The following PTPRD variants were observed in gnomAD, a reference collection of about 807,000 sequenced individuals.
The protein encoded by PTPRD is receptor-type tyrosine-protein phosphatase delta.
Under a neutral mutation model 214.5 loss-of-function variants are expected in PTPRD, and 34 were observed. The observed-to-expected ratio is 0.16, with a 90% CI of 0.12 to 0.21. PTPRD has a LOEUF of 0.21. Ranked by LOEUF, PTPRD falls within the 10% of genes least tolerant of loss-of-function variation. The pLI, the probability that PTPRD is intolerant of heterozygous loss-of-function variation, is 1.00. For missense variants in PTPRD, 2,545 were observed against 2,398.7 expected (o/e 1.06, Z -1.27); for synonymous variants, 1,128 against 845.7 (o/e 1.33, Z -5.79).
At chr9:10,507,356 G>A (rs1485422116) in intron 2 of PTPRD, among the ~76,000 whole-genome samples, 1 of 152,070 alleles carries the variant, frequency 6.6e-6, no homozygotes, top group Non-Finnish European at 1.5e-5. Context: ...TCAATATCAT[G>A]AAAATGGCCA....
chr9:8,452,821 G>C (rs753800478), intron 33 of PTPRD, among the ~76,000 whole-genome samples: 1 of 152,062 alleles, frequency 6.6e-6, no homozygotes, highest in Non-Finnish European at 1.5e-5. Flanking sequence ...CTTTCACCAG[G>C]CTCTCATCTG....
At chr9:9,740,275 T>C (rs1343937829) in intron 6 of PTPRD, among the ~76,000 whole-genome samples, 4 of 152,212 alleles carry the variant, frequency 2.6e-5, no homozygotes, top group African/African-American at 7.2e-5. Flanking sequence ...ATATTAGCCA[T>C]TAATATATAA....
intron 11 of PTPRD, among the ~76,000 whole-genome samples, chr9:8,775,203 C>T (rs745819458): frequency 8.5e-5 from 13 of 152,096 alleles, no homozygotes; most frequent in Non-Finnish European, 1.6e-4. Context: ...GAAGGTGAGG[C>T]ATAATTTTTA....
At chr9:8,546,954 T>A (rs2080346656) in intron 14 of PTPRD, among the ~76,000 whole-genome samples, 1 of 152,232 alleles carries the variant, frequency 6.6e-6, no homozygotes, top group Non-Finnish European at 1.5e-5. Flanking sequence ...GTCCATGGCA[T>A]GGACCGTATG....
At chr9:10,048,748 G>C (rs571348590) in intron 3 of PTPRD, among the ~76,000 whole-genome samples, 1 of 151,900 alleles carries the variant, frequency 6.6e-6, no homozygotes, top group Non-Finnish European at 1.5e-5. Flanking sequence ...GAAAACTAAC[G>C]TTGACCATCA....
chr9:8,758,600 A>G (rs10121822), intron 11 of PTPRD, among the ~76,000 whole-genome samples: 7,696 of 152,220 alleles, frequency 0.051, 483 homozygotes, highest in African/African-American at 0.15. Flanking sequence ...AGAAAAGACT[A>G]AGAACTCATA....
intron 3 of PTPRD, among the ~76,000 whole-genome samples, chr9:10,139,306 A>G (rs1336398694): frequency 6.6e-6 from 1 of 151,992 alleles, no homozygotes; most frequent in Non-Finnish European, 1.5e-5. Flanking sequence ...AATGCCCAGG[A>G]ATACTGCTAA....
chr9:10,356,973 G>T (rs529312789), intron 2 of PTPRD, among the ~76,000 whole-genome samples: 1 of 151,936 alleles, frequency 6.6e-6, no homozygotes, highest in Non-Finnish European at 1.5e-5. Context: ...GAGCCACCAC[G>T]CCCGGCCCAT....
At chr9:10,165,025 G>T (rs1476024410) in intron 3 of PTPRD, among the ~76,000 whole-genome samples, 1 of 151,592 alleles carries the variant, frequency 6.6e-6, no homozygotes, top group Non-Finnish European at 1.5e-5. Context: ...ATCTTTGATG[G>T]CCTGAATCAC....
chr9:9,554,263 G>A (rs2080995491), intron 8 of PTPRD, among the ~76,000 whole-genome samples: 1 of 152,062 alleles, frequency 6.6e-6, no homozygotes, highest in Admixed American at 6.6e-5. Context: ...GCACACCAGA[G>A]AATGTCCATT....
chr9:8,950,985 TA>T (rs2154304793), intron 11 of PTPRD, among the ~76,000 whole-genome samples: 1 of 152,264 alleles, frequency 6.6e-6, no homozygotes, highest in Non-Finnish European at 1.5e-5. Context: ...AGTTGAATCC[TA>T]TTTGGGATAA....
At chr9:9,363,623 T>C (rs1238019506) in intron 9 of PTPRD, among the ~76,000 whole-genome samples, 1 of 150,954 alleles carries the variant, frequency 6.6e-6, no homozygotes, top group Non-Finnish European at 1.5e-5. Context: ...AGATGCAGGG[T>C]TTTTCTAGCT....
intron 2 of PTPRD, among the ~76,000 whole-genome samples, chr9:10,588,622 G>A (rs2074582177): frequency 6.6e-6 from 1 of 151,902 alleles, no homozygotes; most frequent in Non-Finnish European, 1.5e-5. Context: ...TTCAGTAAAA[G>A]ACTATTGCTC....
rs1192328434 is a variant in PTPRD at position 8,331,692 on chromosome 9, C to A, written c.5424G>T (p.Trp1808Cys). Residue 1808 changes from tryptophan to cysteine, a missense_variant, in exon 44 of 46, where the codon TGG becomes TGT. Physicochemically the swap from Trp to Cys is radical, Grantham distance 215 (BLOSUM62 -2). Coordinates refer to ENST00000381196, the MANE Select transcript of PTPRD (RefSeq NM_002839.4). Reference protein sequence around the residue: ...RTVRQFQFTDWPEQGVPKSGE... With the variant: ...RTVRQFQFTDCPEQGVPKSGE... ...CGGACTTTGGCACTCCTTGCTCTGG[C>A]CAGTCAGTGAACTGGAACTGCCTTA... 3 of 1,613,540 alleles carry A rather than the reference C, an allele frequency of 1.9e-6. No homozygotes were observed. In the African/African-American group the frequency reaches 4.0e-5, roughly 22 times the overall value.
At chr9:9,932,233 C>T (rs1168210396) in intron 5 of PTPRD, among the ~76,000 whole-genome samples, 1 of 151,278 alleles carries the variant, frequency 6.6e-6, no homozygotes, top group African/African-American at 2.5e-5. Flanking sequence ...TGGAGAATAA[C>T]TTTGACGAGC....
At chr9:10,453,536 C>G (rs891789500) in intron 2 of PTPRD, among the ~76,000 whole-genome samples, 1 of 151,354 alleles carries the variant, frequency 6.6e-6, no homozygotes, top group Non-Finnish European at 1.5e-5. Context: ...TAAATGTATT[C>G]CTAAGTATTT....
intron 3 of PTPRD, among the ~76,000 whole-genome samples, chr9:10,271,544 C>CTTTT (rs869271445): frequency 1.1e-3 from 45 of 39,322 alleles, no homozygotes; most frequent in African/African-American, 2.2e-3. Context: ...CTTTTCTTTT[C>CTTTT]TTTTCTTTTT....
chr9:9,840,020 T>C (rs1486814700), intron 5 of PTPRD, among the ~76,000 whole-genome samples: 1 of 152,008 alleles, frequency 6.6e-6, no homozygotes, highest in African/African-American at 2.4e-5. Context: ...TTCAATTTTA[T>C]GGTTGGTTTT....
intron 6 of PTPRD, among the ~76,000 whole-genome samples, chr9:9,742,786 C>G (rs1419427562): frequency 2.0e-5 from 3 of 152,134 alleles, no homozygotes; most frequent in Admixed American, 6.5e-5. Flanking sequence ...CCTCTACTAG[C>G]TTCTTTTGAC....
Sources: gnomAD v4.1 joint callset for allele counts (sites outside exome capture counted in the v4.1 genomes callset) on GRCh38, gnomAD v4.1.1 for gene constraint, MANE v1.5 for transcripts, NCBI Gene and HGNC (gene_info 2026-07-23, HGNC 2026-07-21) for gene names.